Variants in BMP5 observed in about 807,000 individuals in gnomAD.
The protein encoded by BMP5 is bone morphogenetic protein 5.
A neutral mutation model predicts 46.6 loss-of-function variants in BMP5; 23 were observed. That is an observed-to-expected ratio of 0.49 (90% CI 0.35 to 0.70). BMP5 has a LOEUF of 0.70. Ranked by LOEUF, BMP5 falls within the 30% of genes least tolerant of loss-of-function variation. The pLI is 0.00. For missense variants in BMP5, 545 were observed against 565.6 expected, an observed-to-expected ratio of 0.96 and a Z score of 0.37; for synonymous variants, 204 against 191.9, an observed-to-expected ratio of 1.06 and a Z score of -0.52.
intron 1 of BMP5, among the ~76,000 whole-genome samples, chr6:55,839,396 C>T (rs903680843): frequency 1.3e-5 from 2 of 152,064 alleles, no homozygotes; most frequent in Non-Finnish European, 2.9e-5. Flanking sequence ...AATCATAGCT[C>T]ACTGCAGCCT....
intron 2 of BMP5, among the ~76,000 whole-genome samples, chr6:55,818,917 A>T (rs1018815464): frequency 1.3e-5 from 2 of 151,846 alleles, no homozygotes; most frequent in Admixed American, 1.3e-4. Context: ...AGATTTAGAT[A>T]CATGAGAGAT....
chr6:55,790,763 G>A (rs747303900), intron 3 of BMP5, among the ~76,000 whole-genome samples: 2 of 151,944 alleles, frequency 1.3e-5, no homozygotes, highest in African/African-American at 4.8e-5. Flanking sequence ...TATTTCTTAC[G>A]AATCTAACTG....
chr6:55,851,676 C>T (rs1316754247), intron 1 of BMP5, among the ~76,000 whole-genome samples: 3 of 152,000 alleles, frequency 2.0e-5, no homozygotes, highest in South Asian at 2.1e-4. Flanking sequence ...AGTATAACTT[C>T]GGTAAAAATA....
chr6:55,755,874 C>G (rs1441055931), intron 6 of BMP5, among the ~76,000 whole-genome samples, 192 bp from the exon 7 acceptor site: 1 of 151,856 alleles, frequency 6.6e-6, no homozygotes, highest in Non-Finnish European at 1.5e-5. Flanking sequence ...TGGAATCAAC[C>G]CAGCCAATTC....
At chr6:55,834,375 T>C (rs1776737014) in intron 1 of BMP5, among the ~76,000 whole-genome samples, 1 of 152,178 alleles carries the variant, frequency 6.6e-6, no homozygotes, top group African/African-American at 2.4e-5. Context: ...ATTACTAATA[T>C]TATCTGCATT....
chr6:55,816,124 T>A (rs191540431), intron 2 of BMP5, among the ~76,000 whole-genome samples: 33 of 152,056 alleles, frequency 2.2e-4, no homozygotes, highest in Non-Finnish European at 3.7e-4. Context: ...AATAACCAAC[T>A]ATAAACTCAA....
intron 3 of BMP5, among the ~76,000 whole-genome samples, chr6:55,792,793 A>C (rs1775604791): frequency 6.6e-6 from 1 of 152,190 alleles, no homozygotes; most frequent in South Asian, 2.1e-4. Flanking sequence ...TCTGTGGTTT[A>C]TTAAACAAGG....
chr6:55,849,929 C>T (rs1422077156), intron 1 of BMP5, among the ~76,000 whole-genome samples: 1 of 152,090 alleles, frequency 6.6e-6, no homozygotes, highest in Non-Finnish European at 1.5e-5. Context: ...ACTTACAGTA[C>T]ATTTTCTGGT....
intron 4 of BMP5, among the ~76,000 whole-genome samples, chr6:55,762,654 A>G (rs1774814977): frequency 6.6e-6 from 1 of 152,070 alleles, no homozygotes; most frequent in African/African-American, 2.4e-5. Flanking sequence ...AAATGGTTAA[A>G]TTTCCTCGAT....
intron 1 of BMP5, among the ~76,000 whole-genome samples, chr6:55,848,448 A>G (rs768013562): frequency 6.6e-6 from 1 of 151,994 alleles, no homozygotes; most frequent in South Asian, 2.1e-4. Context: ...CATATATTCA[A>G]TATATACATA....
At chr6:55,832,913 C>A (rs898696328) in intron 1 of BMP5, among the ~76,000 whole-genome samples, 4 of 151,854 alleles carry the variant, frequency 2.6e-5, no homozygotes, top group Non-Finnish European at 5.9e-5. Flanking sequence ...GAGTTTGAGA[C>A]CAGCTTGTGC....
rs1285824015 is a variant in BMP5 at position 55,874,479 on chromosome 6, T to A, written c.387A>T (p.Leu129Phe). The change falls in exon 1 of 7, where the codon TTA (leucine) becomes TTT (phenylalanine). Residue 129 changes from leucine to phenylalanine, a missense_variant. Physicochemically the swap from Leu to Phe is conservative, Grantham distance 22. Transcript: ENST00000370830. Reference protein sequence around the residue: ...SPNGYPRRIQLSRTTPLTTQS... With the variant: ...SPNGYPRRIQFSRTTPLTTQS... Reference sequence around the variant, plus strand: ...GGGTGGTCAGAGGAGTCGTCCGAGATAACTGTATGCGACGAGGATACCCAT... The same window carrying A: ...GGGTGGTCAGAGGAGTCGTCCGAGAAAACTGTATGCGACGAGGATACCCAT... 1 of 1,613,434 alleles carries A rather than the reference T, an allele frequency of 6.2e-7. No individual in the cohort carries two copies. The highest frequency in any genetic ancestry group is 1.7e-5 in the Admixed American group (1 of 59,896).
At chr6:55,773,476 G>A (rs16887128) in intron 4 of BMP5, among the ~76,000 whole-genome samples, 14,885 of 150,174 alleles carry the variant, frequency 0.099, 1,088 homozygotes, top group African/African-American at 0.21. Context: ...TTGTGCATTC[G>A]TAATATTTTG....
chr6:55,780,456 T>TAAAAAAAAAAA (rs369703099), intron 3 of BMP5, among the ~76,000 whole-genome samples: 6 of 61,958 alleles, frequency 9.7e-5, no homozygotes, highest in African/African-American at 5.0e-4. Flanking sequence ...CCATCACTAC[T>TAAAAAAAAAAA]AAAAAAAAAA....
At chr6:55,767,592 G>A (rs1364736539) in intron 4 of BMP5, among the ~76,000 whole-genome samples, 1 of 145,798 alleles carries the variant, frequency 6.9e-6, no homozygotes, top group Non-Finnish European at 1.5e-5. Context: ...TAGATAGAGA[G>A]AGCTAGCTAA....
At position 55,755,492 on chromosome 6, in the gene BMP5, C is replaced by A. The variant is rs775825871; in HGVS notation, c.*41G>T. 9 of 1,573,928 alleles carry A rather than the reference C, an allele frequency of 5.7e-6. No homozygotes were observed. The Admixed American group carries it at 1.2e-4, about 21-fold the overall frequency. On this transcript the variant is annotated 3_prime_UTR_variant, in exon 7 of 7. Transcript: ENST00000370830. Reference sequence around the variant, plus strand: ...TATGCTTTTTATTGCAGCCATAAACCTTAATACAGATCTTTTTGTTATTAT... The same window carrying A: ...TATGCTTTTTATTGCAGCCATAAACATTAATACAGATCTTTTTGTTATTAT...
chr6:55,788,069 T>G (rs750044674), intron 3 of BMP5, among the ~76,000 whole-genome samples: 9 of 151,662 alleles, frequency 5.9e-5, no homozygotes, highest in Non-Finnish European at 1.3e-4. Context: ...AATTCAATTA[T>G]CTTTGTAAGA....
intron 2 of BMP5, among the ~76,000 whole-genome samples, chr6:55,797,555 A>G (rs1273217536): frequency 6.6e-6 from 1 of 150,474 alleles, no homozygotes; most frequent in Non-Finnish European, 1.5e-5. Flanking sequence ...GAAAAAGCCC[A>G]TTTACATGAA....
chr6:55,859,155 G>T (rs979755973), intron 1 of BMP5, among the ~76,000 whole-genome samples: 1 of 152,100 alleles, frequency 6.6e-6, no homozygotes, highest in Admixed American at 6.5e-5. Flanking sequence ...GTTTAAAAAG[G>T]TATAGGATAG....
Sources: allele counts gnomAD v4.1 joint callset (sites outside exome capture counted in the v4.1 genomes callset), GRCh38; gene constraint gnomAD v4.1.1; transcripts MANE v1.5; gene names NCBI Gene and HGNC (gene_info 2026-07-23, HGNC 2026-07-21).